LLGL2: variants seen among roughly 807,000 people sequenced by gnomAD.
The protein encoded by LLGL2 is LLGL2, scribble cell polarity complex component.
In LLGL2, 81 loss-of-function variants were observed where a neutral mutation model predicts 123.2. The observed-to-expected ratio is 0.66, with a 90% CI of 0.55 to 0.79. The LOEUF (loss-of-function observed/expected upper bound fraction) is 0.79, where lower values mean the gene tolerates loss of function less well. Among genes scored for constraint, LLGL2 ranks in the 30% least tolerant of loss-of-function variants. The pLI, the probability that LLGL2 is intolerant of heterozygous loss-of-function variation, is 0.00. For synonymous variants in LLGL2, 577 were observed against 594.1 expected (o/e 0.97, Z 0.42); for missense variants, 1,273 against 1,414.6 (o/e 0.90, Z 1.61).
Position 75,558,211 on chromosome 17 carries a change from C to A in LLGL2, c.230C>A (p.Thr77Lys). 5 of 1,613,342 alleles carry A rather than the reference C, an allele frequency of 3.1e-6. No homozygotes were observed. Among genetic ancestry groups the A allele is most frequent in the Non-Finnish European group, 4.2e-6 (5 of 1,179,854 alleles). The stretch of plus-strand genomic sequence containing the variant: ...CTGCACCAGGAGAACAACGCTGTGA[C>A]GCAGATCCACCTCCTGCCCGGCCAG... ...MGLHQENNAVTQIHLLPGQCQ... is the reference protein window; with the variant it reads ...MGLHQENNAVKQIHLLPGQCQ... Residue 77 changes from threonine to lysine, a missense_variant, in exon 4 of 26, where the codon ACG (threonine) becomes AAG (lysine). Coordinates refer to ENST00000392550, the MANE Select transcript of LLGL2 (RefSeq NM_001031803.2). The surrounding 1 kb of genome is among the most constrained non-coding windows in gnomAD (Gnocchi z 4.0).
At chr17:75,570,898 TC>T in intron 16 of LLGL2, 51 bp from the exon 17 acceptor site, 1 of 1,547,124 alleles carries the variant, frequency 6.5e-7, no homozygotes, top group Non-Finnish European at 8.7e-7. Flanking sequence ...GAAGCACTGT[TC>T]CTGGGGAGGG....
intron 2 of LLGL2, 79 bp from the exon 3 acceptor site, chr17:75,555,967 C>A (rs1420449345): frequency 3.5e-6 from 4 of 1,133,194 alleles, no homozygotes; most frequent in Non-Finnish European, 5.2e-6. Context: ...GCTGGGTCGT[C>A]TGGTGCTGCA....
At chr17:75,565,748 G>A (rs2055417564) in intron 10 of LLGL2, among the ~76,000 whole-genome samples, 1 of 152,232 alleles carries the variant, frequency 6.6e-6, no homozygotes, top group African/African-American at 2.4e-5. Context: ...CAGGCCAGGA[G>A]GTGGGTGCCT....
Position 75,575,006 on chromosome 17 carries a change from A to G in LLGL2, c.*128A>G. 1 of 1,336,430 alleles carries G rather than the reference A, an allele frequency of 7.5e-7. No individual in the cohort carries two copies. Among genetic ancestry groups the G allele is most frequent in the East Asian group, 2.3e-5 (1 of 43,472 alleles). 82.8% of individuals were successfully genotyped at this position (1,336,430 alleles called of 1,614,324 possible). A position where few individuals can be genotyped will look rare whatever the true frequency, so the allele number is the denominator to read the frequency against. On this transcript the variant is annotated 3_prime_UTR_variant, in exon 26 of 26. Transcript: ENST00000392550. ...GGGCTGGGGGCATCCCGGCTTCCAC[A>G]ATGCAGCTGCTCTGGGCCTCGGGAG...
chr17:75,573,169 C>T lies in LLGL2; in HGVS notation c.2616C>T (p.Asp872=), dbSNP rs909121384. 1.2e-5 allele frequency: 19 copies of T among 1,613,114 alleles called. No individual in the cohort carries two copies. Among genetic ancestry groups the T allele is most frequent in the East Asian group, 2.2e-5 (1 of 44,880 alleles). Residue 872 remains aspartate, a synonymous_variant, in exon 20 of 26, where the codon GAC becomes GAT. Transcript: ENST00000392550. ...HHLAVLTNLG[D]IQVVSLPLLK... The stretch of plus-strand genomic sequence containing the variant: ...TGGCAGTCCTTACCAACCTGGGCGA[C>T]ATCCAGGTGGTCTCGCTGCCCCTGC...
chr17:75,555,669 A>G (rs770722602), intron 2 of LLGL2, among the ~76,000 whole-genome samples: 17 of 152,014 alleles, frequency 1.1e-4, no homozygotes, highest in Non-Finnish European at 2.1e-4. Context: ...CGGTGTCTCC[A>G]TTGTTCCAAA....
At position 75,563,800 on chromosome 17, in the gene LLGL2, G is replaced by A. The variant is rs2147460487; in HGVS notation, c.875G>A (p.Arg292Lys). The A allele has an allele frequency of 1.2e-6, 2 of 1,613,958 alleles. No individual in the cohort carries two copies. The highest frequency in any genetic ancestry group is 4.5e-5 in the East Asian group (2 of 44,882). Residue 292 changes from arginine to lysine, a missense_variant, in exon 9 of 26, where the codon AGG becomes AAG. By Grantham distance (26) the Arg-to-Lys change is conservative (BLOSUM62 2). Transcript: ENST00000392550. Reference sequence around the variant, plus strand: ...ACCAGAATCCTCTGGCTGACCACTAGGCAGGGGTAGGTATCCATGCTGGTC... The same window carrying A: ...ACCAGAATCCTCTGGCTGACCACTAAGCAGGGGTAGGTATCCATGCTGGTC... Reference protein sequence around the residue: ...AITRILWLTTRQGLPFTIFQG... With the variant: ...AITRILWLTTKQGLPFTIFQG...
At chr17:75,539,149 C>A (rs570580416) in intron 1 of LLGL2, among the ~76,000 whole-genome samples, 78 of 152,310 alleles carry the variant, frequency 5.1e-4, no homozygotes, top group African/African-American at 1.8e-3. Context: ...GCCTCAACTT[C>A]CCAGGCTCAG....
intron 1 of LLGL2, among the ~76,000 whole-genome samples, chr17:75,535,935 C>T (rs556526961): frequency 7.9e-4 from 121 of 152,316 alleles, no homozygotes; most frequent in Middle Eastern, 3.4e-3. Flanking sequence ...ACAGGTCGAT[C>T]AGCTGCCCAC....
chr17:75,568,135 G>A (rs1341964175), intron 10 of LLGL2: 3 of 1,216,898 alleles, frequency 2.5e-6, no homozygotes, highest in Non-Finnish European at 3.1e-6. Context: ...GTGCATCTGA[G>A]CAGGGAGAGC....
At chr17:75,574,715 G>T in intron 25 of LLGL2, 47 bp downstream of exon 25, 2 of 1,603,636 alleles carry the variant, frequency 1.2e-6, no homozygotes, top group Non-Finnish European at 1.7e-6. Context: ...GCTGGGAAGG[G>T]CTGGGAGGAA....
Position 75,559,286 on chromosome 17 carries a change from C to G in LLGL2, c.406C>G (p.Leu136Val), listed in dbSNP as rs760890911. Residue 136 changes from leucine to valine, a missense_variant, in exon 6 of 26, where the codon CTG (leucine) becomes GTG (valine). Transcript: ENST00000392550. This position sits in a 1 kb window ranked among gnomAD's most constrained non-coding sequence, Gnocchi z 4.6. ...CAGTGCCACACAGATCACCGTGGTC[C>G]TGCCACATTCCTCCTGCGAGCTGCT... Reference protein sequence around the residue: ...APSATQITVVLPHSSCELLYL... With the variant: ...APSATQITVVVPHSSCELLYL... 1 of 1,612,490 alleles carries G rather than the reference C, an allele frequency of 6.2e-7. No homozygotes were observed. The highest frequency in any genetic ancestry group is 1.1e-5 in the South Asian group (1 of 90,976).
intron 3 of LLGL2, among the ~76,000 whole-genome samples, chr17:75,557,521 G>A (rs1055302438): frequency 1.3e-5 from 2 of 152,334 alleles, no homozygotes; most frequent in Middle Eastern, 6.8e-3. Context: ...CTCAGGGCAG[G>A]GCCCAAGGGA....
At chr17:75,547,550 C>T (rs367674317) in intron 2 of LLGL2, among the ~76,000 whole-genome samples, 31 of 152,290 alleles carry the variant, frequency 2.0e-4, no homozygotes, top group Admixed American at 1.8e-3. Flanking sequence ...AGAGGCGGGG[C>T]GCAGTGGCTC....
At chr17:75,550,036 G>C (rs1247125491) in intron 2 of LLGL2, among the ~76,000 whole-genome samples, 1 of 152,216 alleles carries the variant, frequency 6.6e-6, no homozygotes, top group African/African-American at 2.4e-5. Context: ...TATCAGATGT[G>C]GGCGGGGCCG....
In LLGL2 at chr17:75,563,801, G is replaced by A; in HGVS notation, c.876G>A (p.Arg292=). ...AITRILWLTT[R]QGLPFTIFQG... ...CCAGAATCCTCTGGCTGACCACTAGGCAGGGGTAGGTATCCATGCTGGTCC... is the reference window on the plus strand; with the variant it reads ...CCAGAATCCTCTGGCTGACCACTAGACAGGGGTAGGTATCCATGCTGGTCC... Residue 292 remains arginine, a synonymous_variant, in exon 9 of 26, where the codon AGG becomes AGA. Transcript: ENST00000392550. 2 of 1,613,916 alleles carry A rather than the reference G, an allele frequency of 1.2e-6. No individual in the cohort carries two copies. Among genetic ancestry groups the A allele is most frequent in the Non-Finnish European group, 1.7e-6 (2 of 1,179,984 alleles).
In LLGL2 at chr17:75,570,339, C is replaced by T. The variant is rs772127160; in HGVS notation, c.1875-9C>T. The stretch of plus-strand genomic sequence containing the variant: ...CCTAGCAGCACTGACAGCCTGCCAT[C>T]CCCCCAAGGTGCACACTGCACCCCA... On this transcript the variant is annotated splice_polypyrimidine_tract_variant and intron_variant, in intron 15 of 25. Transcript: ENST00000392550. 1.9e-6 allele frequency: 3 copies of T among 1,610,956 alleles called. No individual in the cohort carries two copies. The highest frequency in any genetic ancestry group is 2.5e-6 in the Non-Finnish European group (3 of 1,179,002).
chr17:75,535,503 C>T (rs918749448), intron 1 of LLGL2, among the ~76,000 whole-genome samples: 6 of 152,230 alleles, frequency 3.9e-5, no homozygotes, highest in African/African-American at 1.4e-4. Context: ...GAGGGAGTTT[C>T]TTGAGGGCTG....
intron 14 of LLGL2, among the ~76,000 whole-genome samples, 181 bp downstream of exon 14, chr17:75,569,506 C>A: frequency 6.6e-6 from 1 of 152,274 alleles, no homozygotes; most frequent in Non-Finnish European, 1.5e-5. Flanking sequence ...CTCCAGAAAT[C>A]GGAATTAAGG....
Sources: allele counts gnomAD v4.1 joint callset (sites outside exome capture counted in the v4.1 genomes callset), GRCh38; gene constraint gnomAD v4.1.1; non-coding constraint Gnocchi (gnomAD v3.1); transcripts MANE v1.5; gene names NCBI Gene and HGNC (gene_info 2026-07-23, HGNC 2026-07-21).